Variants in NRG3 observed in about 807,000 individuals in gnomAD.
NRG3 encodes the protein neuregulin 3, also known as pro-neuregulin-3, membrane-bound isoform.
A neutral mutation model predicts 66.9 loss-of-function variants in NRG3; 31 were observed. The ratio of observed to expected loss-of-function variants is 0.46; its 90% CI spans 0.35 to 0.63. The LOEUF (loss-of-function observed/expected upper bound fraction) is 0.63. Ranked by LOEUF, NRG3 falls within the 20% of genes least tolerant of loss-of-function variation. The pLI is 0.00. For missense variants in NRG3, 910 were observed against 878.9 expected, an observed-to-expected ratio of 1.04 and a Z score of -0.45; for synonymous variants, 393 against 359.4, an observed-to-expected ratio of 1.09 and a Z score of -1.06.
chr10:82,318,935 C>T (rs2081423191), intron 1 of NRG3, among the ~76,000 whole-genome samples: 1 of 152,130 alleles, frequency 6.6e-6, no homozygotes, highest in South Asian at 2.1e-4. Context: ...AAAGTAACTC[C>T]TAAAGAGTGT....
chr10:82,548,839 G>T lies in NRG3; in HGVS notation c.954-189738G>T, dbSNP rs866091943. On this transcript the variant is annotated intron_variant, in intron 2 of 8. Coordinates refer to ENST00000372141, the MANE Select transcript of NRG3 (RefSeq NM_001010848.4). ...AAAGCAGAAAAGAGGTATCTAAGAAGCAATGGTCTGGAATCCAGGCAGAAG... is the reference window on the plus strand; with the variant it reads ...AAAGCAGAAAAGAGGTATCTAAGAATCAATGGTCTGGAATCCAGGCAGAAG... Among the ~76,000 whole-genome samples the T allele has an allele frequency of 8.5e-5, 13 of 152,296 alleles. No homozygotes were observed. In the Middle Eastern group the frequency reaches 0.01, roughly 120 times the overall value.
intron 2 of NRG3, among the ~76,000 whole-genome samples, chr10:82,620,683 A>G (rs1440990568): frequency 6.6e-6 from 1 of 152,148 alleles, no homozygotes; most frequent in African/African-American, 2.4e-5. Context: ...AAGAATCAGG[A>G]GAGAATGGGC....
chr10:82,233,202 A>C (rs1166527861), intron 1 of NRG3, among the ~76,000 whole-genome samples: 1 of 152,166 alleles, frequency 6.6e-6, no homozygotes, highest in African/African-American at 2.4e-5. Flanking sequence ...GTCTCTACTA[A>C]AAATACAAAA....
At chr10:82,104,510 A>G (rs1289863747) in intron 1 of NRG3, among the ~76,000 whole-genome samples, 4 of 152,320 alleles carry the variant, frequency 2.6e-5, no homozygotes, top group African/African-American at 4.8e-5. Context: ...TGTTGCCACT[A>G]TCCGTCTTCA....
chr10:82,547,785 G>A (rs759921863), intron 2 of NRG3, among the ~76,000 whole-genome samples: 1 of 152,134 alleles, frequency 6.6e-6, no homozygotes, highest in East Asian at 1.9e-4. Context: ...AGTCAGGGAA[G>A]TTATAGATCC....
chr10:82,903,638 C>G (rs1439925124), intron 4 of NRG3, among the ~76,000 whole-genome samples: 2 of 152,148 alleles, frequency 1.3e-5, no homozygotes, highest in Non-Finnish European at 2.9e-5. Context: ...AATGTATTTT[C>G]TCTTCCTTAT....
intron 3 of NRG3, among the ~76,000 whole-genome samples, chr10:82,812,830 T>G (rs1245314089): frequency 1.3e-5 from 2 of 152,186 alleles, no homozygotes; most frequent in Non-Finnish European, 2.9e-5. Context: ...GTTAGATGTT[T>G]TATTCTACAT....
chr10:82,849,814 C>T (rs1176057547), intron 3 of NRG3, among the ~76,000 whole-genome samples: 1 of 152,104 alleles, frequency 6.6e-6, no homozygotes, highest in Non-Finnish European at 1.5e-5. Context: ...TCAGAGAAGA[C>T]CACATAGATT....
At chr10:81,976,409 T>C (rs2060126114) in intron 1 of NRG3, among the ~76,000 whole-genome samples, 1 of 152,196 alleles carries the variant, frequency 6.6e-6, no homozygotes, top group Admixed American at 6.5e-5. Context: ...CTCGAGCTTT[T>C]ATTATGTAAC....
In NRG3 at chr10:82,100,549, G is replaced by A. The variant is rs575845265; in HGVS notation, c.823+224386G>A. On this transcript the variant is annotated intron_variant, in intron 1 of 8. Coordinates refer to ENST00000372141, the MANE Select transcript of NRG3 (RefSeq NM_001010848.4). The stretch of plus-strand genomic sequence containing the variant: ...TCTTTTGGTGTGAGTTGCATGATCA[G>A]GTTAAGGAAGTTCCCATCTATTTTA... Among the ~76,000 whole-genome samples the A allele has an allele frequency of 1.5e-4, 23 of 152,122 alleles. No individual in the cohort carries two copies. In the South Asian group the frequency reaches 4.8e-3, roughly 32 times the overall value.
At chr10:82,675,568 G>T (rs1208089395) in intron 2 of NRG3, among the ~76,000 whole-genome samples, 1 of 152,184 alleles carries the variant, frequency 6.6e-6, no homozygotes, top group East Asian at 1.9e-4. Context: ...AATCCTTTAT[G>T]TCTACACCTT....
intron 3 of NRG3, among the ~76,000 whole-genome samples, chr10:82,816,422 AGT>A (rs2061706671): frequency 6.6e-6 from 1 of 152,256 alleles, no homozygotes; most frequent in South Asian, 2.1e-4. Context: ...GGAGACCCAA[AGT>A]GGGTAGCTAC....
chr10:81,956,932 A>G (rs950122680), intron 1 of NRG3, among the ~76,000 whole-genome samples: 2 of 152,168 alleles, frequency 1.3e-5, no homozygotes, highest in Non-Finnish European at 1.5e-5. Context: ...ACTCTTCCCT[A>G]AAACATTAAT....
At chr10:82,952,553 C>T (rs1453971934) in intron 5 of NRG3, among the ~76,000 whole-genome samples, 3 of 122,816 alleles carry the variant, frequency 2.4e-5, no homozygotes, top group African/African-American at 9.6e-5. Flanking sequence ...AGACGTATTT[C>T]ATTTATTAAA....
chr10:82,857,079 T>C (rs545749654), intron 3 of NRG3, among the ~76,000 whole-genome samples: 23 of 152,212 alleles, frequency 1.5e-4, no homozygotes, highest in Non-Finnish European at 2.1e-4. Flanking sequence ...CTACCCATTA[T>C]TTAGTCAAAA....
chr10:82,894,839 A>G (rs1591856965), intron 4 of NRG3, among the ~76,000 whole-genome samples: 1 of 152,104 alleles, frequency 6.6e-6, no homozygotes, highest in Non-Finnish European at 1.5e-5. Flanking sequence ...TCAACCCGTC[A>G]TCTAGGTTTT....
At chr10:82,590,844 G>T (rs1372577753) in intron 2 of NRG3, among the ~76,000 whole-genome samples, 1 of 152,190 alleles carries the variant, frequency 6.6e-6, no homozygotes, top group Non-Finnish European at 1.5e-5. Flanking sequence ...AAGGAAGTCA[G>T]TATCAAAGAA....
chr10:81,923,614 T>C (rs1246157104), intron 1 of NRG3, among the ~76,000 whole-genome samples: 1 of 152,178 alleles, frequency 6.6e-6, no homozygotes, highest in Non-Finnish European at 1.5e-5. Flanking sequence ...CCCACACTCC[T>C]AAGAGACACT....
chr10:82,869,493 T>C (rs1274443621), intron 4 of NRG3, among the ~76,000 whole-genome samples: 1 of 152,074 alleles, frequency 6.6e-6, no homozygotes, highest in Non-Finnish European at 1.5e-5. Context: ...TCCTACAGAG[T>C]AGGTTTACTG....
Sources: gnomAD v4.1 joint callset for allele counts (sites outside exome capture counted in the v4.1 genomes callset) on GRCh38, gnomAD v4.1.1 for gene constraint, MANE v1.5 for transcripts, NCBI Gene and HGNC (gene_info 2026-07-23, HGNC 2026-07-21) for gene names.